The following LITAF variants were observed in gnomAD, a reference collection of about 807,000 sequenced individuals.
LITAF encodes the protein lipopolysaccharide-induced tumor necrosis factor-alpha factor.
Under a neutral mutation model 14.5 loss-of-function variants are expected in LITAF, and 9 were observed. The ratio of observed to expected loss-of-function variants is 0.62; its 90% CI spans 0.37 to 1.08. The LOEUF is 1.08. LITAF is among the 50% of genes least tolerant of loss of function. LITAF has a pLI of 0.01. For missense variants in LITAF, 206 were observed against 213.4 expected (o/e 0.97, Z 0.22); for synonymous variants, 98 against 88.2 (o/e 1.11, Z -0.62).
chr16:11,555,144 C>T (rs1255476811), intron 2 of LITAF, among the ~76,000 whole-genome samples: 1 of 152,014 alleles, frequency 6.6e-6, no homozygotes, highest in African/African-American at 2.4e-5. Context: ...GCAATCCTCC[C>T]ACCTCAGCCT....
intron 3 of LITAF, among the ~76,000 whole-genome samples, chr16:11,613,760 C>T (rs2064998723): frequency 6.6e-6 from 1 of 152,096 alleles, no homozygotes; most frequent in South Asian, 2.1e-4. Flanking sequence ...CTGGTGGAAC[C>T]GAGGGCACAG....
At chr16:11,607,539 A>G (rs143097311) in intron 3 of LITAF, among the ~76,000 whole-genome samples, 419 of 151,534 alleles carry the variant, frequency 2.8e-3, no homozygotes, top group Admixed American at 5.0e-3. Context: ...TATGGGTATC[A>G]TTCGGGAAAA....
chr16:11,608,806 T>A (rs1383596658), intron 3 of LITAF, among the ~76,000 whole-genome samples: 1 of 151,984 alleles, frequency 6.6e-6, no homozygotes, highest in East Asian at 1.9e-4. Context: ...CTACTAAAAA[T>A]ACAAAAATTA....
chr16:11,621,291 C>T (rs527260144), intron 3 of LITAF, among the ~76,000 whole-genome samples: 1 of 152,212 alleles, frequency 6.6e-6, no homozygotes, highest in African/African-American at 2.4e-5. Context: ...CTCGAACTCC[C>T]GACCTCAGGT....
rs764243578 is a variant in LITAF, at chr16:11,634,923, A to C, written c.-21+902T>G. 5.5e-4 allele frequency among the ~76,000 whole-genome samples: 84 copies of C among 152,116 alleles called. No homozygotes were observed. The highest frequency in any genetic ancestry group is 7.3e-4 in the Non-Finnish European group (50 of 68,032). On this transcript the variant is annotated intron_variant, in intron 2 of 3. Coordinates refer to the LITAF transcript ENST00000574848. This position sits in a 1 kb window ranked among gnomAD's most constrained non-coding sequence, Gnocchi z 4.1. ...TTGGTGGGCACCTATAATCCCAGCT[A>C]TTTGGGAGGCTGAGGCAGGAGAATC...
intron 3 of LITAF, among the ~76,000 whole-genome samples, chr16:11,622,013 A>G (rs2065053993): frequency 1.3e-5 from 2 of 152,176 alleles, no homozygotes; most frequent in Admixed American, 1.3e-4. Context: ...AAATTAAACA[A>G]TGCAAAACAA....
chr16:11,608,312 G>C (rs2064964943), intron 3 of LITAF, among the ~76,000 whole-genome samples: 1 of 152,224 alleles, frequency 6.6e-6, no homozygotes, highest in Admixed American at 6.5e-5. Context: ...AGTGAGGAAA[G>C]GGACGTAGCT....
At chr16:11,595,257 G>A (rs933029903) in intron 1 of LITAF, among the ~76,000 whole-genome samples, 4 of 152,204 alleles carry the variant, frequency 2.6e-5, no homozygotes, top group African/African-American at 9.6e-5. Flanking sequence ...GGAGCCTGAG[G>A]CCAGGAGGAC....
At chr16:11,575,317 C>A (rs1438821775) in intron 1 of LITAF, 2 of 151,952 alleles carry the variant, frequency 1.3e-5, no homozygotes, top group Non-Finnish European at 2.9e-5. Context: ...GGGAGGGGTA[C>A]GGTTCCTAGG....
Position 11,634,407 on chromosome 16 carries a change from C to T in LITAF, c.-20-770G>A, listed in dbSNP as rs556488639. Reference sequence around the variant, plus strand: ...AAGGTAACAAAAGGCCACCAGGTTACGAAGCTAAGGAATGAGAGAAAGCTA... The same window carrying T: ...AAGGTAACAAAAGGCCACCAGGTTATGAAGCTAAGGAATGAGAGAAAGCTA... On this transcript the variant is annotated intron_variant, in intron 2 of 3. Transcript: ENST00000574848. This position sits in a 1 kb window ranked among gnomAD's most constrained non-coding sequence, Gnocchi z 4.1. 3.0e-4 allele frequency among the ~76,000 whole-genome samples: 46 copies of T among 152,142 alleles called. No homozygotes were observed. The highest frequency in any genetic ancestry group is 6.3e-4 in the Non-Finnish European group (43 of 68,022).
At chr16:11,623,444 G>A (rs1026333185) in intron 3 of LITAF, among the ~76,000 whole-genome samples, 78 of 150,790 alleles carry the variant, frequency 5.2e-4, no homozygotes, top group Admixed American at 2.0e-4. Context: ...GACAGATTAC[G>A]AGGTCAGGAG....
chr16:11,622,138 G>A (rs2065054587), intron 3 of LITAF, among the ~76,000 whole-genome samples: 1 of 152,178 alleles, frequency 6.6e-6, no homozygotes, highest in African/African-American at 2.4e-5. Context: ...GTGTGTTTGG[G>A]GGACCCGCCC....
At chr16:11,638,078 C>A (rs1388760059), upstream of LITAF, among the ~76,000 whole-genome samples, 97 of 71,206 alleles carry the variant, frequency 1.4e-3, 8 homozygotes, top group African/African-American at 5.8e-3. Context: ...ATATATATAT[C>A]TATATCTATC....
intron 1 of LITAF, chr16:11,575,290 G>C (rs1288121874): frequency 6.6e-6 from 1 of 152,136 alleles, no homozygotes; most frequent in Admixed American, 6.6e-5. Context: ...ACTGGGTATA[G>C]TTTCTTTTTT....
At chr16:11,598,208 C>A (rs2064903762) in intron 1 of LITAF, among the ~76,000 whole-genome samples, 1 of 151,978 alleles carries the variant, frequency 6.6e-6, no homozygotes, top group Non-Finnish European at 1.5e-5. Flanking sequence ...AAAAGCTCAG[C>A]ACTCTTGGGT....
chr16:11,599,940 T>C (rs2064917158), upstream of LITAF, among the ~76,000 whole-genome samples: 1 of 152,136 alleles, frequency 6.6e-6, no homozygotes, highest in Non-Finnish European at 1.5e-5. Context: ...CCGACCCTCA[T>C]GAAACACTCC....
At chr16:11,628,191 G>T (rs1053774330) in intron 3 of LITAF, among the ~76,000 whole-genome samples, 1 of 152,122 alleles carries the variant, frequency 6.6e-6, no homozygotes, top group African/African-American at 2.4e-5. Context: ...TCTCAAGCAG[G>T]TAATCCTGCC....
chr16:11,600,391 A>T (rs928044202), upstream of LITAF, among the ~76,000 whole-genome samples: 4 of 152,248 alleles, frequency 2.6e-5, no homozygotes, highest in Non-Finnish European at 4.4e-5. This position sits in a 1 kb window ranked among gnomAD's most constrained non-coding sequence, Gnocchi z 4.1. Context: ...GCTGTGTCCC[A>T]GATGCCTGGC....
At chr16:11,612,491 G>C (rs1055410955) in intron 3 of LITAF, among the ~76,000 whole-genome samples, 1 of 152,238 alleles carries the variant, frequency 6.6e-6, no homozygotes, top group Non-Finnish European at 1.5e-5. Context: ...TGTGGGAACG[G>C]CTGTCTGACC....
Sources: gnomAD v4.1 joint callset for allele counts (sites outside exome capture counted in the v4.1 genomes callset) on GRCh38, gnomAD v4.1.1 for gene constraint, Gnocchi (gnomAD v3.1) non-coding constraint, MANE v1.5 for transcripts, NCBI Gene and HGNC (gene_info 2026-07-23, HGNC 2026-07-21) for gene names.